The following TENM4 variants were observed in gnomAD, a reference collection of about 807,000 sequenced individuals.
The protein encoded by TENM4 is teneurin-4.
TENM4 carries 82 observed loss-of-function variants against 243.3 expected under a neutral mutation model. The observed-to-expected ratio is 0.34, with a 90% confidence interval of 0.28 to 0.40. TENM4 has a LOEUF of 0.40. Ranked by LOEUF, TENM4 falls within the 10% of genes least tolerant of loss-of-function variation. The pLI is 1.00. For synonymous variants in TENM4, 1,412 were observed against 1,456.3 expected (o/e 0.97, Z 0.69); for missense variants, 3,138 against 3,673.3 (o/e 0.85, Z 3.77).
chr11:78,814,996 T>G (rs1207919293), intron 12 of TENM4, among the ~76,000 whole-genome samples: 2 of 152,188 alleles, frequency 1.3e-5, no homozygotes, highest in Non-Finnish European at 2.9e-5. Flanking sequence ...GTTATTTCTT[T>G]GAAACAAATC....
chr11:79,398,131 C>T (rs111444923), intron 1 of TENM4, among the ~76,000 whole-genome samples: 211 of 152,202 alleles, frequency 1.4e-3, no homozygotes, highest in African/African-American at 4.7e-3. Context: ...GTAGAAAATG[C>T]AGCATCGGCC....
intron 1 of TENM4, among the ~76,000 whole-genome samples, chr11:79,309,833 A>G (rs1450291690): frequency 4.6e-5 from 7 of 152,194 alleles, no homozygotes; most frequent in Non-Finnish European, 8.8e-5. Context: ...GAAGCTCACA[A>G]ATCCACTCAC....
chr11:79,257,906 C>T (rs1274185248), intron 2 of TENM4, among the ~76,000 whole-genome samples: 1 of 152,218 alleles, frequency 6.6e-6, no homozygotes, highest in Non-Finnish European at 1.5e-5. Context: ...GTTCAAAAGA[C>T]TTGTCACGTG....
At chr11:79,393,192 A>G (rs1360696517) in intron 1 of TENM4, among the ~76,000 whole-genome samples, 1 of 152,168 alleles carries the variant, frequency 6.6e-6, no homozygotes, top group Non-Finnish European at 1.5e-5. Flanking sequence ...TACTGGGTTT[A>G]GACCTCAAAA....
chr11:78,968,716 C>G (rs1182387732), intron 6 of TENM4, among the ~76,000 whole-genome samples: 1 of 152,168 alleles, frequency 6.6e-6, no homozygotes, highest in East Asian at 1.9e-4. Flanking sequence ...CTCCATTTTT[C>G]AGGTGAAGAA....
At chr11:79,215,637 G>A (rs763287040) in intron 3 of TENM4, among the ~76,000 whole-genome samples, 171 bp downstream of exon 3, 24 of 152,148 alleles carry the variant, frequency 1.6e-4, no homozygotes, top group Non-Finnish European at 2.4e-4. Context: ...ATCTGTTCCC[G>A]GAGAAGGCTA....
At chr11:79,217,478 C>T (rs1864075231) in intron 2 of TENM4, among the ~76,000 whole-genome samples, 1 of 152,128 alleles carries the variant, frequency 6.6e-6, no homozygotes, top group Admixed American at 6.6e-5. Flanking sequence ...ATCTAGGATC[C>T]TAGCTTAAAA....
intron 19 of TENM4, among the ~76,000 whole-genome samples, chr11:78,743,067 C>T (rs1855968484): frequency 6.6e-6 from 1 of 152,208 alleles, no homozygotes; most frequent in Non-Finnish European, 1.5e-5. Context: ...CTGTTTTAAT[C>T]TCATACTACC....
intron 29 of TENM4, among the ~76,000 whole-genome samples, chr11:78,684,620 T>C (rs997635110): frequency 6.6e-6 from 1 of 152,152 alleles, no homozygotes; most frequent in African/African-American, 2.4e-5. Context: ...TGTCTTTAGA[T>C]TGGCAGTTAA....
intron 3 of TENM4, among the ~76,000 whole-genome samples, chr11:79,204,094 G>T (rs1166460991): frequency 6.6e-6 from 1 of 151,452 alleles, no homozygotes; most frequent in African/African-American, 2.4e-5. Flanking sequence ...GGAATAAGGT[G>T]GTGCAGGGGG....
chr11:78,732,301 AG>A lies in TENM4; in HGVS notation c.3138+14del, dbSNP rs2135880282. 2 of 1,581,334 alleles carry A rather than the reference AG, an allele frequency of 1.3e-6. No individual in the cohort carries two copies. Among genetic ancestry groups the A allele is most frequent in the East Asian group, 4.5e-5 (2 of 44,434 alleles). ...AATAAAAGCATGGTGGAATGCAATTAGGAAAGCTGGGTACCTGAATTTCCGG... is the reference window on the plus strand; with the variant it reads ...AATAAAAGCATGGTGGAATGCAATTAGAAAGCTGGGTACCTGAATTTCCGG... On this transcript the variant is annotated intron_variant, in intron 21 of 33. Transcript: ENST00000278550.
chr11:79,111,543 TCAA>T lies in TENM4; in HGVS notation c.-66+37164_-66+37166del, dbSNP rs542498523. Among the ~76,000 whole-genome samples, 16 of 151,976 alleles carry T rather than the reference TCAA, an allele frequency of 1.1e-4. No individual in the cohort carries two copies. The East Asian group carries it at 2.5e-3, about 24-fold the overall frequency. The stretch of plus-strand genomic sequence containing the variant: ...CTGGGCAACAGAGCTAGACTCTGTC[TCAA>T]CAACAACAACAACAACAACGACAAA... On this transcript the variant is annotated intron_variant, in intron 4 of 33. Coordinates refer to ENST00000278550, the MANE Select transcript of TENM4 (RefSeq NM_001098816.3).
chr11:78,842,241 A>G (rs967330932), intron 12 of TENM4, among the ~76,000 whole-genome samples: 2 of 152,180 alleles, frequency 1.3e-5, no homozygotes, highest in East Asian at 1.9e-4. Flanking sequence ...CCATCCATCT[A>G]TTCTCCAAGG....
chr11:79,424,517 G>A (rs1185814108), intron 1 of TENM4, among the ~76,000 whole-genome samples: 1 of 152,110 alleles, frequency 6.6e-6, no homozygotes, highest in Non-Finnish European at 1.5e-5. Context: ...GGGGAACTGA[G>A]GTGGGAGAAT....
intron 1 of TENM4, among the ~76,000 whole-genome samples, chr11:79,369,599 C>A (rs76608561): frequency 0.043 from 6,551 of 152,252 alleles, 477 homozygotes; most frequent in African/African-American, 0.15. Flanking sequence ...TACCAGCAAG[C>A]CTTCACAGGC....
intron 4 of TENM4, among the ~76,000 whole-genome samples, chr11:79,148,430 G>C (rs939059948): frequency 6.6e-6 from 1 of 151,962 alleles, no homozygotes; most frequent in Non-Finnish European, 1.5e-5. Context: ...ATGCTGTTGT[G>C]GGTTTCCCAG....
chr11:79,181,951 T>TAA (rs71050213), intron 3 of TENM4, among the ~76,000 whole-genome samples: 12,894 of 147,004 alleles, frequency 0.088, 1,137 homozygotes, highest in East Asian at 0.42. Flanking sequence ...ATCAAAGAAC[T>TAA]AAAAAAAAAA....
intron 18 of TENM4, among the ~76,000 whole-genome samples, chr11:78,765,594 G>C (rs1254603090): frequency 6.6e-6 from 1 of 152,216 alleles, no homozygotes; most frequent in Non-Finnish European, 1.5e-5. Flanking sequence ...GAAGAGGACT[G>C]GTTGCTTAAA....
At chr11:78,950,985 A>T (rs1857097335) in intron 6 of TENM4, among the ~76,000 whole-genome samples, 1 of 152,224 alleles carries the variant, frequency 6.6e-6, no homozygotes, top group South Asian at 2.1e-4. Context: ...CAAAGGTGTG[A>T]TCAGGCCCTC....
Sources: gnomAD v4.1 joint callset for allele counts (sites outside exome capture counted in the v4.1 genomes callset) on GRCh38, gnomAD v4.1.1 for gene constraint, MANE v1.5 for transcripts, NCBI Gene and HGNC (gene_info 2026-07-23, HGNC 2026-07-21) for gene names.